Variants in REDIC1 observed in about 807,000 individuals in gnomAD.
REDIC1 encodes regulator of DNA class I crossover intermediates 1.
chr12:39,793,703 C>T, the REDIC1 span, among the ~76,000 whole-genome samples: 5 of 152,004 alleles, frequency 3.3e-5, no homozygotes, highest in East Asian at 5.8e-4. Flanking sequence ...AAACAGAAAC[C>T]GAGTCTTGGC....
the REDIC1 span, chr12:39,755,996 A>C: frequency 6.6e-6 from 1 of 151,976 alleles, no homozygotes; most frequent in Admixed American, 6.6e-5. Context: ...GGCATTTTTA[A>C]ATGATTGCTA....
At chr12:39,872,351 C>G in the REDIC1 span, among the ~76,000 whole-genome samples, 2 of 152,120 alleles carry the variant, frequency 1.3e-5, no homozygotes, top group African/African-American at 2.4e-5. Flanking sequence ...TCATCATTCA[C>G]TGTGAATTAA....
the REDIC1 span, among the ~76,000 whole-genome samples, chr12:39,630,493 T>C: frequency 1.3e-5 from 2 of 152,208 alleles, no homozygotes; most frequent in Admixed American, 1.3e-4. Context: ...TTGAGTGCTA[T>C]GTACCAAGCA....
chr12:39,681,906 A>T, the REDIC1 span, among the ~76,000 whole-genome samples: 1 of 152,158 alleles, frequency 6.6e-6, no homozygotes, highest in Non-Finnish European at 1.5e-5. Context: ...TTCCAAATAA[A>T]TTTGTAGTCA....
the REDIC1 span, among the ~76,000 whole-genome samples, chr12:39,782,458 C>G: frequency 2.6e-5 from 4 of 152,286 alleles, no homozygotes; most frequent in South Asian, 2.1e-4. Context: ...GCCGCCACCA[C>G]GTAAGATGTG....
chr12:39,835,221 T>C, the REDIC1 span, among the ~76,000 whole-genome samples: 1 of 152,038 alleles, frequency 6.6e-6, no homozygotes, highest in Non-Finnish European at 1.5e-5. Context: ...ATTCTAGACT[T>C]CAAAGTTTTC....
At chr12:39,643,925 A>G in the REDIC1 span, 1,289,756 of 1,523,072 alleles carry the variant, frequency 0.85, 549,698 homozygotes, top group Non-Finnish European at 0.87. Context: ...CTGGTAAGTC[A>G]TTCCAATTGC....
the REDIC1 span, among the ~76,000 whole-genome samples, chr12:39,882,986 T>A: frequency 6.6e-6 from 1 of 152,190 alleles, no homozygotes; most frequent in African/African-American, 2.4e-5. Flanking sequence ...TGAATATTTT[T>A]TAGGCGCTTA....
the REDIC1 span, among the ~76,000 whole-genome samples, chr12:39,665,654 T>G: frequency 2.7e-5 from 4 of 150,448 alleles, no homozygotes; most frequent in Non-Finnish European, 5.9e-5. Context: ...ATCTATAAAT[T>G]ACCTTGGGCA....
chr12:39,765,923 T>A, the REDIC1 span, among the ~76,000 whole-genome samples: 1 of 152,086 alleles, frequency 6.6e-6, no homozygotes, highest in African/African-American at 2.4e-5. Context: ...TTTCCTTCTC[T>A]GTGTCCATGT....
the REDIC1 span, among the ~76,000 whole-genome samples, chr12:39,640,063 T>C: frequency 3.3e-5 from 5 of 151,778 alleles, no homozygotes; most frequent in Admixed American, 3.3e-4. Flanking sequence ...ACTAGGTTTT[T>C]TTTTTTTTTT....
the REDIC1 span, chr12:39,643,990 G>A: frequency 6.9e-4 from 840 of 1,209,786 alleles, no homozygotes; most frequent in Admixed American, 2.1e-3. Context: ...TAATTAGTTT[G>A]TAATTTTTGA....
chr12:39,879,680 A>T, the REDIC1 span, among the ~76,000 whole-genome samples: 1 of 152,170 alleles, frequency 6.6e-6, no homozygotes, highest in African/African-American at 2.4e-5. Flanking sequence ...CTTGGAAGTA[A>T]CTAACTTGAT....
the REDIC1 span, among the ~76,000 whole-genome samples, chr12:39,861,234 T>G: frequency 6.6e-6 from 1 of 152,382 alleles, no homozygotes; most frequent in Admixed American, 6.5e-5. Flanking sequence ...CAGGCTTTAT[T>G]AATTCTAACA....
chr12:39,797,601 T>C, the REDIC1 span, among the ~76,000 whole-genome samples: 2 of 152,172 alleles, frequency 1.3e-5, no homozygotes, highest in Non-Finnish European at 2.9e-5. Flanking sequence ...TTGTCTCTCA[T>C]TGGTAACTTT....
chr12:39,756,806 G>C, the REDIC1 span: 1 of 151,474 alleles, frequency 6.6e-6, no homozygotes, highest in Non-Finnish European at 1.5e-5. Context: ...TCCCCTTTTA[G>C]AGTGAATAAC....
chr12:39,651,952 A>G, the REDIC1 span, among the ~76,000 whole-genome samples: 2 of 152,092 alleles, frequency 1.3e-5, no homozygotes, highest in Non-Finnish European at 2.9e-5. Context: ...GTTGCTCTGT[A>G]TTAGCCCATA....
the REDIC1 span, among the ~76,000 whole-genome samples, chr12:39,797,293 T>C: frequency 0.012 from 1,846 of 152,336 alleles, 33 homozygotes; most frequent in African/African-American, 0.042. Context: ...TTTAAGTACA[T>C]TGAAAAATGC....
the REDIC1 span, chr12:39,758,501 A>G: frequency 6.6e-6 from 1 of 151,976 alleles, no homozygotes; most frequent in South Asian, 2.1e-4. Flanking sequence ...CTGGCCACAG[A>G]AGATTCATTC....
Sources: allele counts gnomAD v4.1 joint callset (sites outside exome capture counted in the v4.1 genomes callset), GRCh38; gene constraint gnomAD v4.1.1; transcripts MANE v1.5; gene names NCBI Gene and HGNC (gene_info 2026-07-23, HGNC 2026-07-21).